The following ARAP2 variants were observed in gnomAD, a reference collection of about 807,000 sequenced individuals.
ARAP2 encodes ArfGAP with RhoGAP domain, ankyrin repeat and PH domain 2.
A neutral mutation model predicts 194.5 loss-of-function variants in ARAP2; 148 were observed. The ratio of observed to expected loss-of-function variants is 0.76; its 90% CI spans 0.67 to 0.87. The LOEUF (loss-of-function observed/expected upper bound fraction) is 0.87. ARAP2 is among the 40% of genes least tolerant of loss of function. The probability of loss-of-function intolerance (pLI) is 0.00; values close to 1 mark genes in which losing one functional copy is unlikely to be tolerated. For synonymous variants in ARAP2, 695 were observed against 683.5 expected (o/e 1.02, Z -0.26); for missense variants, 2,128 against 1,989.7 (o/e 1.07, Z -1.32).
intron 5 of ARAP2, among the ~76,000 whole-genome samples, chr4:36,033,787 C>T (rs6820946): frequency 0.74 from 111,919 of 151,986 alleles, 42,161 homozygotes; most frequent in Admixed American, 0.85. Context: ...TGGGGTTTTA[C>T]ATTTAAGCCT....
chr4:36,192,783 G>A (rs183340630), intron 7 of ARAP2, among the ~76,000 whole-genome samples: 1 of 152,332 alleles, frequency 6.6e-6, no homozygotes, highest in Non-Finnish European at 1.5e-5. Context: ...GATCACTTGA[G>A]ATCAGAAGTT....
intron 19 of ARAP2, among the ~76,000 whole-genome samples, chr4:36,146,317 G>C (rs578106787): frequency 6.6e-6 from 1 of 151,980 alleles, no homozygotes; most frequent in African/African-American, 2.4e-5. Context: ...GAGTAATCCT[G>C]TAAAAACATA....
Position 36,133,349 on chromosome 4 carries a change from C to A in ARAP2, c.3304G>T (p.Val1102Phe), listed in dbSNP as rs1240127877. The A allele has an allele frequency of 9.3e-6, 15 of 1,611,058 alleles. No homozygotes were observed. The highest frequency in any genetic ancestry group is 1.2e-5 in the Non-Finnish European group (14 of 1,178,098). The change falls in exon 20 of 33, where the codon GTC (valine) becomes TTC (phenylalanine). Residue 1102 changes from valine to phenylalanine, a missense_variant. By Grantham distance (50) the Val-to-Phe change is conservative (BLOSUM62 -1). Transcript: ENST00000303965. ...IHGHTKLDFT[V>F]WHTAIEKAAG... ...GCTTTTTCAATTGCAGTATGCCAGA[C>A]TGTGAAATCCAACTTGGTATGCCCA...
At chr4:36,107,427 T>G in intron 27 of ARAP2, 138 bp downstream of exon 27, 1 of 795,898 alleles carries the variant, frequency 1.3e-6, no homozygotes, top group Non-Finnish European at 1.8e-6. Context: ...TCTTCTTTCT[T>G]ATATATGTAC....
At chr4:36,167,193 TAGC>T in intron 9 of ARAP2, 146 bp from the exon 10 acceptor site, 4 of 571,984 alleles carry the variant, frequency 7.0e-6, no homozygotes, top group Middle Eastern at 4.6e-4. Flanking sequence ...CAATACATAA[TAGC>T]ACTGGGCCAA....
intron 32 of ARAP2, among the ~76,000 whole-genome samples, chr4:36,073,300 G>A (rs1239247990): frequency 3.4e-4 from 52 of 152,070 alleles, no homozygotes; most frequent in Admixed American, 3.4e-3. Flanking sequence ...ACTGGAATGT[G>A]ATTATATTAC....
intron 5 of ARAP2, among the ~76,000 whole-genome samples, chr4:36,023,444 G>A (rs940948222): frequency 4.6e-5 from 7 of 152,056 alleles, no homozygotes; most frequent in African/African-American, 1.7e-4. Context: ...GCAACAGGGG[G>A]TTAATGCTCA....
chr4:36,212,500 C>T lies in ARAP2; in HGVS notation c.1042-13G>A. The T allele has an allele frequency of 3.8e-6, 6 of 1,595,756 alleles. No individual in the cohort carries two copies. The highest frequency in any genetic ancestry group is 2.6e-6 in the Non-Finnish European group (3 of 1,166,270). ...TTATAGATCGCTTCTATTAAAAAAG[C>T]AAACAAACAAAAAACACATACTGTT... is the stretch of plus-strand genomic sequence containing the variant. On this transcript the variant is annotated splice_polypyrimidine_tract_variant and intron_variant, in intron 4 of 32. Coordinates refer to ENST00000303965, the MANE Select transcript of ARAP2 (RefSeq NM_015230.4).
chr4:36,166,659 CA>C (rs34197719), intron 10 of ARAP2, among the ~76,000 whole-genome samples: 1,604 of 143,280 alleles, frequency 0.011, 21 homozygotes, highest in African/African-American at 0.038. Flanking sequence ...CACATATTTT[CA>C]AAAAAAAAAC....
intron 32 of ARAP2, among the ~76,000 whole-genome samples, 181 bp downstream of exon 32, chr4:36,073,508 A>T (rs1727520946): frequency 1.3e-5 from 2 of 152,184 alleles, no homozygotes; most frequent in South Asian, 4.1e-4. Context: ...CAATGATATT[A>T]AAATAAAAGG....
At chr4:36,054,805 A>G (rs1723229761) in intron 2 of ARAP2, among the ~76,000 whole-genome samples, 1 of 152,200 alleles carries the variant, frequency 6.6e-6, no homozygotes, top group East Asian at 1.9e-4. Flanking sequence ...ATGACTACTC[A>G]TATTACACAG....
At chr4:36,214,287 C>T (rs1024559044) in intron 3 of ARAP2, 135 bp downstream of exon 3, 3 of 534,434 alleles carry the variant, frequency 5.6e-6, no homozygotes, top group Non-Finnish European at 9.5e-6. Flanking sequence ...GTCTGAAGTA[C>T]TATGAACACT....
chr4:36,157,776 A>G (rs1732910809), intron 15 of ARAP2, among the ~76,000 whole-genome samples: 1 of 152,110 alleles, frequency 6.6e-6, no homozygotes, highest in African/African-American at 2.4e-5. Context: ...TAATCCCAAC[A>G]TAATTCTGCT....
chr4:36,151,344 T>C (rs1223721473), intron 15 of ARAP2, among the ~76,000 whole-genome samples: 2 of 152,088 alleles, frequency 1.3e-5, no homozygotes, highest in East Asian at 3.8e-4. Flanking sequence ...CTGCAAAGAA[T>C]AAAATGTCTG....
intron 6 of ARAP2, among the ~76,000 whole-genome samples, chr4:36,205,509 C>T (rs913391601): frequency 3.3e-5 from 5 of 151,598 alleles, no homozygotes; most frequent in African/African-American, 9.7e-5. Flanking sequence ...AGTGTGAACA[C>T]ACGATTTCTT....
chr4:36,051,085 T>C (rs1722585176), intron 3 of ARAP2, among the ~76,000 whole-genome samples: 1 of 152,250 alleles, frequency 6.6e-6, no homozygotes, highest in African/African-American at 2.4e-5. Context: ...TTATAAGACA[T>C]AAAATTCCTT....
At chr4:36,161,954 A>G (rs1734125296) in intron 11 of ARAP2, among the ~76,000 whole-genome samples, 1 of 151,988 alleles carries the variant, frequency 6.6e-6, no homozygotes, top group South Asian at 2.1e-4. Context: ...TAAAAATACA[A>G]AAAATTAGCC....
chr4:36,189,912 C>T (rs556144179), intron 7 of ARAP2, among the ~76,000 whole-genome samples: 1 of 152,274 alleles, frequency 6.6e-6, no homozygotes, highest in African/African-American at 2.4e-5. Context: ...TCAACTCTTC[C>T]AGTCCATCTG....
chr4:36,122,694 A>T lies in ARAP2; in HGVS notation c.3747-1368T>A, dbSNP rs1722945295. ...CGGATGAGGAAATAATCTGTACAAC[A>T]AACCCCTGTGATACAAGTTTACCTG... is the stretch of plus-strand genomic sequence containing the variant. On this transcript the variant is annotated intron_variant, in intron 22 of 32. Transcript: ENST00000303965. Among the ~76,000 whole-genome samples the T allele has an allele frequency of 2.0e-5, 3 of 151,770 alleles. No individual in the cohort carries two copies. In the South Asian group the frequency reaches 6.2e-4, roughly 31 times the overall value.
Sources: allele counts gnomAD v4.1 joint callset (sites outside exome capture counted in the v4.1 genomes callset), GRCh38; gene constraint gnomAD v4.1.1; transcripts MANE v1.5; gene names NCBI Gene and HGNC (gene_info 2026-07-23, HGNC 2026-07-21).